RAB38: variants seen among roughly 807,000 people sequenced by gnomAD.
RAB38 encodes the protein RAB38, member RAS oncogene family, also known as ras-related protein Rab-38.
A neutral mutation model predicts 18.4 loss-of-function variants in RAB38; 15 were observed. The ratio of observed to expected loss-of-function variants is 0.82; its 90% CI spans 0.55 to 1.26. RAB38 has a LOEUF of 1.26. RAB38 is among the 50% of genes most tolerant of loss of function. The pLI, the probability that RAB38 is intolerant of heterozygous loss-of-function variation, is 0.00. For missense variants in RAB38, 294 were observed against 267.4 expected, an observed-to-expected ratio of 1.10 and a Z score of -0.69; for synonymous variants, 101 against 104.4, an observed-to-expected ratio of 0.97 and a Z score of 0.20.
At chr11:88,169,967 T>C (rs1943289592) in intron 1 of RAB38, among the ~76,000 whole-genome samples, 1 of 152,246 alleles carries the variant, frequency 6.6e-6, no homozygotes. Context: ...ACTTTATATA[T>C]ACATACATAT....
At chr11:88,004,032 T>A in the RAB38 span, among the ~76,000 whole-genome samples, 1 of 140,244 alleles carries the variant, frequency 7.1e-6, no homozygotes, top group South Asian at 2.2e-4. Flanking sequence ...TCTTCTATTT[T>A]ATATATATAT....
the RAB38 span, among the ~76,000 whole-genome samples, chr11:88,010,574 C>G: frequency 6.6e-6 from 1 of 152,174 alleles, no homozygotes; most frequent in Non-Finnish European, 1.5e-5. Context: ...GTTTGGTCAA[C>G]TTGGACTCAG....
Position 88,175,414 on chromosome 11 carries a change from G to C in RAB38, c.-30C>G. 1 of 1,595,224 alleles carries C rather than the reference G, an allele frequency of 6.3e-7. No individual in the cohort carries two copies. The highest frequency in any genetic ancestry group is 1.3e-5 in the African/African-American group (1 of 74,496). ...GCGGCCGGCCAGACGTGCCGTGCCT[G>C]ACCAGGGAAGCGCAGCCTGGGCTCT... On this transcript the variant is annotated 5_prime_UTR_variant, in exon 1 of 3. Coordinates refer to ENST00000243662, the MANE Select transcript of RAB38 (RefSeq NM_022337.3).
At chr11:87,945,183 A>C in the RAB38 span, among the ~76,000 whole-genome samples, 1 of 152,178 alleles carries the variant, frequency 6.6e-6, no homozygotes, top group Non-Finnish European at 1.5e-5. Flanking sequence ...AATGGTTTTT[A>C]ACTTTCTGAT....
At chr11:87,833,245 T>C in the RAB38 span, among the ~76,000 whole-genome samples, 1 of 152,198 alleles carries the variant, frequency 6.6e-6, no homozygotes, top group Non-Finnish European at 1.5e-5. Flanking sequence ...TTTAGCCTTT[T>C]TTTGTTTCAC....
rs556812378 is a variant in RAB38, at chr11:88,149,516, C to G, written c.483+159G>C. The stretch of plus-strand genomic sequence containing the variant: ...ATTGTAGATAATAATTCCTGCCTTA[C>G]CTACTCATTGCACTGAGATGAGAAA... On this transcript the variant is annotated intron_variant, in intron 2 of 2. Coordinates refer to ENST00000243662, the MANE Select transcript of RAB38 (RefSeq NM_022337.3). Among the ~76,000 whole-genome samples, 7 of 152,282 alleles carry G rather than the reference C, an allele frequency of 4.6e-5. No individual in the cohort carries two copies. In the East Asian group the frequency reaches 1.4e-3, roughly 29 times the overall value.
chr11:87,977,332 A>G, the RAB38 span, among the ~76,000 whole-genome samples: 196 of 88,432 alleles, frequency 2.2e-3, no homozygotes, highest in East Asian at 5.3e-3. Flanking sequence ...TTATACAAGT[A>G]TATTATAAAA....
At chr11:87,926,528 G>A in the RAB38 span, among the ~76,000 whole-genome samples, 1 of 151,690 alleles carries the variant, frequency 6.6e-6, no homozygotes, top group Non-Finnish European at 1.5e-5. Flanking sequence ...TTGTTTGTTT[G>A]TTTGTTTGTT....
chr11:88,080,230 A>G, the RAB38 span, among the ~76,000 whole-genome samples: 1 of 151,722 alleles, frequency 6.6e-6, no homozygotes, highest in South Asian at 2.1e-4. Context: ...AAACAAAACA[A>G]AACAAAAAAA....
At chr11:87,914,557 TA>T in the RAB38 span, among the ~76,000 whole-genome samples, 1 of 152,130 alleles carries the variant, frequency 6.6e-6, no homozygotes, top group South Asian at 2.1e-4. Flanking sequence ...AAGCAGAGCA[TA>T]AAAATTGGAG....
At chr11:87,960,614 T>A in the RAB38 span, among the ~76,000 whole-genome samples, 1 of 152,200 alleles carries the variant, frequency 6.6e-6, no homozygotes, top group Non-Finnish European at 1.5e-5. Flanking sequence ...GGTTACTTTC[T>A]TTATATCAGA....
At chr11:88,073,937 G>C in the RAB38 span, among the ~76,000 whole-genome samples, 3 of 151,228 alleles carry the variant, frequency 2.0e-5, no homozygotes, top group Non-Finnish European at 2.9e-5. Context: ...ACACAGCAGA[G>C]AGAAAAATCA....
At chr11:87,948,985 T>C in the RAB38 span, among the ~76,000 whole-genome samples, 2 of 152,176 alleles carry the variant, frequency 1.3e-5, no homozygotes, top group Non-Finnish European at 2.9e-5. Context: ...TCCTTGTACC[T>C]CTGGTAGAAT....
At chr11:88,108,871 G>C (rs1942437221), downstream of RAB38, among the ~76,000 whole-genome samples, 1 of 152,068 alleles carries the variant, frequency 6.6e-6, no homozygotes, top group Non-Finnish European at 1.5e-5. Flanking sequence ...GTCTCTAAAG[G>C]ATTTTATTTC....
the RAB38 span, among the ~76,000 whole-genome samples, chr11:87,942,563 A>G: frequency 6.6e-6 from 1 of 152,144 alleles, no homozygotes; most frequent in Non-Finnish European, 1.5e-5. Flanking sequence ...GGAAATGTAA[A>G]GATTAAGACT....
the RAB38 span, among the ~76,000 whole-genome samples, chr11:87,933,119 A>T: frequency 1.3e-5 from 2 of 152,098 alleles, no homozygotes; most frequent in African/African-American, 2.4e-5. Context: ...AAATAAACTG[A>T]CTCAAGTTCC....
chr11:87,850,451 C>T, the RAB38 span, among the ~76,000 whole-genome samples: 1 of 152,034 alleles, frequency 6.6e-6, no homozygotes, highest in African/African-American at 2.4e-5. Flanking sequence ...AATCATTTTC[C>T]TTGTAAAGCA....
the RAB38 span, among the ~76,000 whole-genome samples, chr11:88,072,948 A>T: frequency 2.0e-5 from 3 of 152,142 alleles, no homozygotes; most frequent in African/African-American, 7.2e-5. Context: ...AATTCCTGGG[A>T]CCATAAAAAA....
At chr11:87,931,795 T>A in the RAB38 span, among the ~76,000 whole-genome samples, 4 of 152,228 alleles carry the variant, frequency 2.6e-5, no homozygotes, top group African/African-American at 9.6e-5. Flanking sequence ...AATTCTTGCC[T>A]ACAATCTGTG....
Sources: allele counts gnomAD v4.1 joint callset (sites outside exome capture counted in the v4.1 genomes callset), GRCh38; gene constraint gnomAD v4.1.1; transcripts MANE v1.5; gene names NCBI Gene and HGNC (gene_info 2026-07-23, HGNC 2026-07-21).